The following PLPPR1 variants were observed in gnomAD, a reference collection of about 807,000 sequenced individuals.
The protein encoded by PLPPR1 is phospholipid phosphatase related 1, also known as phospholipid phosphatase-related protein type 1.
In PLPPR1, 10 loss-of-function variants were observed where a neutral mutation model predicts 33.1. The observed-to-expected ratio is 0.30, with a 90% CI of 0.19 to 0.51. The LOEUF (loss-of-function observed/expected upper bound fraction) is 0.51, where lower values mean the gene tolerates loss of function less well. Ranked by LOEUF, PLPPR1 falls within the 20% of genes least tolerant of loss-of-function variation. The probability of loss-of-function intolerance (pLI) is 0.97; values close to 1 mark genes in which losing one functional copy is unlikely to be tolerated. For synonymous variants in PLPPR1, 151 were observed against 151.0 expected (o/e 1.00, Z 0.00); for missense variants, 304 against 408.1 (o/e 0.74, Z 2.20).
chr9:101,212,548 AAATGT>A (rs1451902147), intron 2 of PLPPR1, among the ~76,000 whole-genome samples: 2 of 152,352 alleles, frequency 1.3e-5, no homozygotes, highest in Admixed American at 6.5e-5. Context: ...ATCTTATGGT[AAATGT>A]AATTTCCAAC....
chr9:101,070,190 G>T (rs2486362), intron 1 of PLPPR1, among the ~76,000 whole-genome samples: 54,109 of 151,866 alleles, frequency 0.36, 9,996 homozygotes, highest in Non-Finnish European at 0.41. Flanking sequence ...GGGTCAGGGG[G>T]ACTATCAATT....
intron 1 of PLPPR1, among the ~76,000 whole-genome samples, chr9:101,133,187 A>G (rs1386422027): frequency 6.6e-6 from 1 of 152,172 alleles, no homozygotes; most frequent in Non-Finnish European, 1.5e-5. Context: ...CCTTTACCAC[A>G]CATGGTCTGT....
intron 1 of PLPPR1, among the ~76,000 whole-genome samples, chr9:101,176,413 A>G (rs1331621285): frequency 6.6e-6 from 1 of 152,208 alleles, no homozygotes; most frequent in Non-Finnish European, 1.5e-5. Context: ...TCCTACTCCA[A>G]CAGGCAGTAA....
At chr9:101,069,088 TG>T (rs1394178936) in intron 1 of PLPPR1, among the ~76,000 whole-genome samples, 1 of 151,740 alleles carries the variant, frequency 6.6e-6, no homozygotes, top group Admixed American at 6.6e-5. Context: ...ATTTTCCATA[TG>T]GATGCTCTTC....
chr9:101,089,750 C>A (rs1391784661), intron 1 of PLPPR1, among the ~76,000 whole-genome samples: 1 of 152,018 alleles, frequency 6.6e-6, no homozygotes, highest in Non-Finnish European at 1.5e-5. Context: ...TCACAGTGAA[C>A]CTTCCTGTTT....
Position 101,209,984 on chromosome 9 carries a change from A to G in PLPPR1, c.63+24427A>G, listed in dbSNP as rs368561256. On this transcript the variant is annotated intron_variant, in intron 2 of 7. Coordinates refer to ENST00000374874, the MANE Select transcript of PLPPR1 (RefSeq NM_207299.2). The stretch of plus-strand genomic sequence containing the variant: ...GTCTTAGATGTGAAAAATGAGCCAT[A>G]CTTCCTGGAAGTATATGGATTACTT... Among the ~76,000 whole-genome samples the G allele has an allele frequency of 3.2e-4, 49 of 152,322 alleles. 2 individuals are homozygous for G. The highest frequency in any genetic ancestry group is 3.1e-3 in the South Asian group (15 of 4,826).
At chr9:101,195,812 T>C (rs1449170599) in intron 2 of PLPPR1, among the ~76,000 whole-genome samples, 1 of 152,198 alleles carries the variant, frequency 6.6e-6, no homozygotes, top group Non-Finnish European at 1.5e-5. Context: ...CCCTGAGAAT[T>C]AGCATTACAG....
intron 1 of PLPPR1, among the ~76,000 whole-genome samples, chr9:101,068,050 C>T (rs145601810): frequency 4.5e-4 from 69 of 152,118 alleles, no homozygotes; most frequent in African/African-American, 1.6e-3. Flanking sequence ...ACACATTAGC[C>T]CACAAAAGCC....
intron 2 of PLPPR1, among the ~76,000 whole-genome samples, chr9:101,242,763 CATTA>C (rs1185404057): frequency 1.3e-5 from 2 of 152,008 alleles, no homozygotes; most frequent in African/African-American, 4.8e-5. Context: ...ATTCCAGAAA[CATTA>C]ATTAAGTGCT....
chr9:101,187,724 C>A (rs1826227710), intron 2 of PLPPR1: 1 of 151,584 alleles, frequency 6.6e-6, no homozygotes, highest in Non-Finnish European at 1.5e-5. Context: ...CAATGAATAT[C>A]TTTTCACTGT....
At position 101,117,042 on chromosome 9, in the gene PLPPR1, C is replaced by T. The variant is rs554598200; in HGVS notation, c.-45-68408C>T. Among the ~76,000 whole-genome samples, 197 of 152,166 alleles carry T rather than the reference C, an allele frequency of 1.3e-3. 2 individuals carry two copies. Among genetic ancestry groups the T allele is most frequent in the African/African-American group, 4.1e-3 (170 of 41,512 alleles). ...GTTCCTATTCAGCCTGAAGAAGTTACAGAAGATGGATCTTCATCCCTCTGC... is the reference window on the plus strand; with the variant it reads ...GTTCCTATTCAGCCTGAAGAAGTTATAGAAGATGGATCTTCATCCCTCTGC... On this transcript the variant is annotated intron_variant, in intron 1 of 7. Transcript: ENST00000374874.
intron 4 of PLPPR1, among the ~76,000 whole-genome samples, chr9:101,291,389 A>C (rs1828503689): frequency 6.6e-6 from 1 of 152,172 alleles, no homozygotes. Flanking sequence ...GACAGCGGTA[A>C]CCTCTGCAGA....
At chr9:101,313,005 C>T in intron 6 of PLPPR1, 31 bp downstream of exon 6, 2 of 1,608,036 alleles carry the variant, frequency 1.2e-6, no homozygotes, top group South Asian at 1.1e-5. Flanking sequence ...TTACCTTTTC[C>T]CCCTCTTCTA....
intron 2 of PLPPR1, among the ~76,000 whole-genome samples, chr9:101,206,633 G>A (rs1826593219): frequency 1.3e-5 from 2 of 152,168 alleles, no homozygotes; most frequent in South Asian, 4.1e-4. Flanking sequence ...TACCAGCAGA[G>A]TCTCTTCTTG....
chr9:101,082,978 C>T (rs1048411697), intron 1 of PLPPR1, among the ~76,000 whole-genome samples: 5 of 151,964 alleles, frequency 3.3e-5, no homozygotes, highest in Admixed American at 6.6e-5. Context: ...TCAAAGATAC[C>T]GAATATCAGA....
At chr9:101,173,635 C>T (rs1318749794) in intron 1 of PLPPR1, among the ~76,000 whole-genome samples, 1 of 152,122 alleles carries the variant, frequency 6.6e-6, no homozygotes, top group East Asian at 1.9e-4. Flanking sequence ...AAAACTGTGA[C>T]TTTTAACCCA....
intron 1 of PLPPR1, among the ~76,000 whole-genome samples, chr9:101,095,350 T>G (rs1830804159): frequency 6.6e-6 from 1 of 152,202 alleles, no homozygotes; most frequent in African/African-American, 2.4e-5. Flanking sequence ...TTTGTTGGAC[T>G]GCTGGACTTT....
At chr9:101,051,179 G>A (rs1443840421) in intron 1 of PLPPR1, among the ~76,000 whole-genome samples, 2 of 152,002 alleles carry the variant, frequency 1.3e-5, no homozygotes, top group African/African-American at 4.8e-5. Context: ...TCTCAGTTAA[G>A]GATGTAATTA....
rs192265100 is a variant in PLPPR1, at chr9:101,130,404, T to C, written c.-45-55046T>C. Among the ~76,000 whole-genome samples the C allele has an allele frequency of 7.2e-5, 11 of 152,282 alleles. No homozygotes were observed. The East Asian group carries it at 2.1e-3, about 29-fold the overall frequency. On this transcript the variant is annotated intron_variant, in intron 1 of 7. Coordinates refer to ENST00000374874, the MANE Select transcript of PLPPR1 (RefSeq NM_207299.2). The stretch of plus-strand genomic sequence containing the variant: ...CCCCAGGAAAGTTACTCAGCATCCC[T>C]ACACCTGTTTTCTCTTCCATAAAAT...
Sources: allele counts gnomAD v4.1 joint callset (sites outside exome capture counted in the v4.1 genomes callset), GRCh38; gene constraint gnomAD v4.1.1; transcripts MANE v1.5; gene names NCBI Gene and HGNC (gene_info 2026-07-23, HGNC 2026-07-21).